The following NRROS variants were observed in gnomAD, a reference collection of about 807,000 sequenced individuals.
NRROS encodes the protein negative regulator of reactive oxygen species.
A neutral mutation model predicts 12.0 loss-of-function variants in NRROS; 6 were observed. That is an observed-to-expected ratio of 0.50 (90% CI 0.27 to 0.98). The LOEUF (loss-of-function observed/expected upper bound fraction) is 0.98, where lower values mean the gene tolerates loss of function less well. NRROS is among the 50% of genes least tolerant of loss of function. The pLI, the probability that NRROS is intolerant of heterozygous loss-of-function variation, is 0.11. For missense variants in NRROS, 857 were observed against 888.2 expected (o/e 0.96, Z 0.45); for synonymous variants, 462 against 410.2 (o/e 1.13, Z -1.53).
At chr3:196,653,129 C>A (rs1237593957) in intron 1 of NRROS, among the ~76,000 whole-genome samples, 1 of 152,160 alleles carries the variant, frequency 6.6e-6, no homozygotes, top group Non-Finnish European at 1.5e-5. Flanking sequence ...TCTGCCCTCT[C>A]TTCCCTGTGC....
chr3:196,660,944 G>A lies in NRROS; in HGVS notation c.1301G>A (p.Ser434Asn). ...NARNITTLDM[S>N]HNQISLCPLP... is the part of the protein sequence containing the mutation. ...AGGAACATCACTACACTTGACATGA[G>A]CCACAATCAGATCTCACTTTGTCCC... The change falls in exon 3 of 3, where the codon AGC becomes AAC. Residue 434 changes from serine to asparagine, a missense_variant. Coordinates refer to ENST00000328557, the MANE Select transcript of NRROS (RefSeq NM_198565.3). The surrounding 1 kb of genome is among the most constrained non-coding windows in gnomAD (Gnocchi z 7.7). The A allele has an allele frequency of 2.5e-6, 4 of 1,614,212 alleles. No individual in the cohort carries two copies. Among genetic ancestry groups the A allele is most frequent in the Non-Finnish European group, 3.4e-6 (4 of 1,180,044 alleles).
intron 1 of NRROS, among the ~76,000 whole-genome samples, chr3:196,642,285 C>T (rs1359015129): frequency 1.1e-5 from 1 of 92,028 alleles, no homozygotes; most frequent in South Asian, 3.0e-4. Flanking sequence ...TATGCTTCGG[C>T]AAAAAAGAAA....
At chr3:196,651,834 G>A (rs843517) in intron 1 of NRROS, among the ~76,000 whole-genome samples, 48,454 of 152,064 alleles carry the variant, frequency 0.32, 7,826 homozygotes, top group South Asian at 0.33. Flanking sequence ...AGGGGTCAGC[G>A]GAAGAAACTC....
At chr3:196,655,729 G>A (rs561036288) in intron 2 of NRROS, among the ~76,000 whole-genome samples, 12 of 152,288 alleles carry the variant, frequency 7.9e-5, no homozygotes, top group Admixed American at 7.2e-4. Flanking sequence ...CCCGGACCAC[G>A]CTCAGGCTAA....
intron 1 of NRROS, among the ~76,000 whole-genome samples, chr3:196,646,964 C>A (rs1377912443): frequency 1.3e-5 from 2 of 152,210 alleles, no homozygotes; most frequent in African/African-American, 4.8e-5. Context: ...TTTACACTTT[C>A]CTTTCCTTGA....
intron 2 of NRROS, among the ~76,000 whole-genome samples, chr3:196,657,663 C>T (rs540069396): frequency 2.7e-5 from 4 of 149,252 alleles, no homozygotes; most frequent in South Asian, 4.3e-4. Flanking sequence ...GCAGAGATGG[C>T]GCCATTGCAC....
intron 1 of NRROS, among the ~76,000 whole-genome samples, chr3:196,641,987 CATTT>C: frequency 6.6e-6 from 1 of 152,308 alleles, no homozygotes; most frequent in Non-Finnish European, 1.5e-5. Flanking sequence ...CAGTGACAAA[CATTT>C]GTCATGTTTT....
rs1737671353 is a variant in NRROS, at chr3:196,661,260, G to T, written c.1617G>T (p.Arg539Ser). Reference protein sequence around the residue: ...ALDFSGFGNLRDLDLSGNCLT... With the variant: ...ALDFSGFGNLSDLDLSGNCLT... ...ACTTCTCTGGGTTTGGGAATCTCAG[G>T]GACTTAGATCTGTCGGGGAATTGCT... Residue 539 changes from arginine to serine, a missense_variant, in exon 3 of 3, where the codon AGG becomes AGT. Transcript: ENST00000328557. 6.2e-7 allele frequency: 1 copy of T among 1,613,894 alleles called. No homozygotes were observed. Among genetic ancestry groups the T allele is most frequent in the African/African-American group, 1.3e-5 (1 of 75,020 alleles).
At chr3:196,659,520 G>C (rs533152151) in intron 2 of NRROS, among the ~76,000 whole-genome samples, 20 of 152,084 alleles carry the variant, frequency 1.3e-4, no homozygotes, top group Non-Finnish European at 2.2e-4. Flanking sequence ...TGTTGGCCAG[G>C]CTGGTTTTGA....
At chr3:196,646,124 A>T (rs555519569) in intron 1 of NRROS, among the ~76,000 whole-genome samples, 4,466 of 131,748 alleles carry the variant, frequency 0.034, 91 homozygotes, top group Non-Finnish European at 0.051. Flanking sequence ...CAGTCTCGAC[A>T]CAACCCTGTG....
intron 1 of NRROS, among the ~76,000 whole-genome samples, chr3:196,649,895 A>T (rs542159705): frequency 1.4e-4 from 21 of 152,274 alleles, no homozygotes; most frequent in Non-Finnish European, 2.4e-4. Context: ...ACGTGGTAAC[A>T]TACGTATGGC....
Position 196,652,845 on chromosome 3 carries a change from C to T in NRROS, c.-13-1682C>T, listed in dbSNP as rs570497552. ...TGGAGTCACAGCAGCAGGTACCACC[C>T]CACACCTGACAAGAGGTGGCCAGGG... On this transcript the variant is annotated intron_variant, in intron 1 of 2. Coordinates refer to ENST00000328557, the MANE Select transcript of NRROS (RefSeq NM_198565.3). Among the ~76,000 whole-genome samples, 266 of 152,242 alleles carry T rather than the reference C, an allele frequency of 1.7e-3. 1 individual carries two copies. Among genetic ancestry groups the T allele is most frequent in the Non-Finnish European group, 6.6e-4 (45 of 68,024 alleles).
At chr3:196,640,817 G>A (rs1737193750) in intron 1 of NRROS, among the ~76,000 whole-genome samples, 1 of 152,160 alleles carries the variant, frequency 6.6e-6, no homozygotes, top group African/African-American at 2.4e-5. Context: ...GGACAGGGCT[G>A]GTCGGGGCTG....
intron 2 of NRROS, among the ~76,000 whole-genome samples, chr3:196,656,115 T>A (rs1737533435): frequency 6.6e-6 from 1 of 151,962 alleles, no homozygotes; most frequent in Non-Finnish European, 1.5e-5. Flanking sequence ...TGCAGTGAGC[T>A]GACATCGTGC....
Position 196,644,650 on chromosome 3 carries a change from G to A in NRROS, c.-14+4775G>A, listed in dbSNP as rs561489345. On this transcript the variant is annotated intron_variant, in intron 1 of 2. Coordinates refer to ENST00000328557, the MANE Select transcript of NRROS (RefSeq NM_198565.3). ...GGTGATCTGTAGTGATCTGGTGCCT[G>A]TGATCCCAGCTACTTGGGAGGCTGA... 7.4e-5 allele frequency among the ~76,000 whole-genome samples: 11 copies of A among 149,070 alleles called. No homozygotes were observed. In the East Asian group the frequency reaches 2.2e-3, roughly 30 times the overall value.
intron 2 of NRROS, among the ~76,000 whole-genome samples, chr3:196,658,387 A>G (rs1737581822): frequency 6.6e-6 from 1 of 152,178 alleles, no homozygotes; most frequent in African/African-American, 2.4e-5. Flanking sequence ...CCATATGTCA[A>G]TACAGTATCA....
intron 1 of NRROS, among the ~76,000 whole-genome samples, chr3:196,644,716 C>T (rs1010317010): frequency 4.8e-5 from 7 of 145,128 alleles, no homozygotes; most frequent in Admixed American, 2.1e-4. Flanking sequence ...GAGATCTCAG[C>T]GAGCAGAGAT....
chr3:196,647,040 A>C (rs1434522998), intron 1 of NRROS, among the ~76,000 whole-genome samples: 2 of 152,192 alleles, frequency 1.3e-5, no homozygotes, highest in Non-Finnish European at 2.9e-5. Context: ...TTTTTTTATC[A>C]TACCACGTCA....
intron 1 of NRROS, among the ~76,000 whole-genome samples, chr3:196,646,057 G>GT (rs984881294): frequency 5.9e-5 from 9 of 152,220 alleles, no homozygotes; most frequent in African/African-American, 2.2e-4. Context: ...CCCACTAAAC[G>GT]TGAAGTCCGA....
Sources: gnomAD v4.1 joint callset for allele counts (sites outside exome capture counted in the v4.1 genomes callset) on GRCh38, gnomAD v4.1.1 for gene constraint, Gnocchi (gnomAD v3.1) non-coding constraint, MANE v1.5 for transcripts, NCBI Gene and HGNC (gene_info 2026-07-23, HGNC 2026-07-21) for gene names.